SNX9: variants seen among roughly 807,000 people sequenced by gnomAD.
SNX9 encodes sorting nexin 9.
In SNX9, 44 loss-of-function variants were observed where a neutral mutation model predicts 89.4. That is an observed-to-expected ratio of 0.49 (90% CI 0.39 to 0.63). The LOEUF is 0.63. Among genes scored for constraint, SNX9 ranks in the 30% least tolerant of loss-of-function variants. The pLI is 0.00. For missense variants in SNX9, 578 were observed against 736.1 expected, an observed-to-expected ratio of 0.79 and a Z score of 2.49; for synonymous variants, 236 against 247.8, an observed-to-expected ratio of 0.95 and a Z score of 0.45.
intron 5 of SNX9, among the ~76,000 whole-genome samples, chr6:157,901,372 G>T (rs1032349982): frequency 6.6e-6 from 1 of 152,080 alleles, no homozygotes; most frequent in Admixed American, 6.6e-5. Flanking sequence ...TTTTGACTTT[G>T]TTCCCTGTGC....
chr6:157,942,107 T>G (rs1784047664), intron 17 of SNX9, among the ~76,000 whole-genome samples: 1 of 152,268 alleles, frequency 6.6e-6, no homozygotes, highest in Non-Finnish European at 1.5e-5. Context: ...ATTTCATCAC[T>G]GTCTTTGCAT....
intron 9 of SNX9, among the ~76,000 whole-genome samples, chr6:157,919,906 C>T (rs1352188163): frequency 2.0e-5 from 3 of 151,992 alleles, no homozygotes; most frequent in Non-Finnish European, 4.4e-5. Context: ...AGTAACTTGC[C>T]TAAGATTAAA....
At chr6:157,837,380 A>G (rs772180410) in intron 1 of SNX9, among the ~76,000 whole-genome samples, 70 of 152,344 alleles carry the variant, frequency 4.6e-4, no homozygotes, top group Non-Finnish European at 5.4e-4. Context: ...ATTTATTTGC[A>G]TTGTATAATA....
intron 4 of SNX9, among the ~76,000 whole-genome samples, chr6:157,881,171 T>C (rs928216406): frequency 6.6e-6 from 1 of 152,208 alleles, no homozygotes; most frequent in Non-Finnish European, 1.5e-5. Context: ...GGTGTCTCTG[T>C]TTCACGTTTT....
chr6:157,896,012 C>T (rs1782970020), intron 4 of SNX9, among the ~76,000 whole-genome samples: 1 of 152,182 alleles, frequency 6.6e-6, no homozygotes, highest in South Asian at 2.1e-4. Context: ...TAACCATCAA[C>T]TTTTTTTCTG....
chr6:157,887,283 G>A (rs939255592), intron 4 of SNX9, among the ~76,000 whole-genome samples: 4 of 152,100 alleles, frequency 2.6e-5, no homozygotes, highest in South Asian at 2.1e-4. Flanking sequence ...CCGATGCCCC[G>A]TGAATCATGA....
At chr6:157,834,162 T>TTG (rs1562588765) in intron 1 of SNX9, among the ~76,000 whole-genome samples, 20 of 101,764 alleles carry the variant, frequency 2.0e-4, no homozygotes, top group African/African-American at 8.8e-4. Context: ...TTTTTTTTTT[T>TTG]TTTTTTTTTT....
At chr6:157,909,399 T>C (rs914329186) in intron 7 of SNX9, among the ~76,000 whole-genome samples, 1 of 152,220 alleles carries the variant, frequency 6.6e-6, no homozygotes, top group Non-Finnish European at 1.5e-5. Context: ...ACCAGCACTG[T>C]CCTTGGGAGA....
At chr6:157,850,077 G>C (rs888904949) in intron 1 of SNX9, among the ~76,000 whole-genome samples, 1 of 152,182 alleles carries the variant, frequency 6.6e-6, no homozygotes, top group African/African-American at 2.4e-5. Context: ...GGAAAGGAAG[G>C]AAGAAAACCA....
intron 4 of SNX9, among the ~76,000 whole-genome samples, chr6:157,879,936 A>T (rs189360193): frequency 5.9e-5 from 9 of 152,338 alleles, no homozygotes; most frequent in Admixed American, 3.3e-4. Context: ...GTAAACCTAG[A>T]TGTCTTATCT....
intron 10 of SNX9, among the ~76,000 whole-genome samples, chr6:157,922,261 A>G (rs1359220502): frequency 2.0e-5 from 3 of 152,194 alleles, no homozygotes; most frequent in African/African-American, 7.2e-5. Flanking sequence ...CTTTGGAAAT[A>G]GTTTTCTCTC....
intron 9 of SNX9, among the ~76,000 whole-genome samples, chr6:157,917,742 A>G (rs1429174824): frequency 6.6e-6 from 1 of 152,186 alleles, no homozygotes; most frequent in African/African-American, 2.4e-5. Context: ...TGTAAATGCT[A>G]TGTAAATCAT....
rs1783975629 is a variant in SNX9, at chr6:157,938,726, A to G, written c.1627A>G (p.Ile543Val). 6.2e-7 allele frequency: 1 copy of G among 1,614,052 alleles called. No homozygotes were observed. Among genetic ancestry groups the G allele is most frequent in the Non-Finnish European group, 8.5e-7 (1 of 1,179,920 alleles). Residue 543 changes from isoleucine to valine, a missense_variant, in exon 16 of 18, where the codon ATC becomes GTC. Ile to Val is a conservative substitution (Grantham distance 29). Transcript: ENST00000392185. ...DKQNMVKRVSIMSYALQAEMN... is the reference protein window; with the variant it reads ...DKQNMVKRVSVMSYALQAEMN... Reference sequence around the variant, plus strand: ...ACAGAACATGGTGAAGAGAGTCAGCATCATGTCTTACGCGTTGCAAGGTAA... The same window carrying G: ...ACAGAACATGGTGAAGAGAGTCAGCGTCATGTCTTACGCGTTGCAAGGTAA...
At chr6:157,902,912 C>G (rs1418532930) in intron 6 of SNX9, among the ~76,000 whole-genome samples, 1 of 152,062 alleles carries the variant, frequency 6.6e-6, no homozygotes, top group Non-Finnish European at 1.5e-5. Context: ...AAGTGATCCG[C>G]CCGCCTCTAC....
At chr6:157,899,372 A>G (rs186927786) in intron 5 of SNX9, among the ~76,000 whole-genome samples, 2 of 152,194 alleles carry the variant, frequency 1.3e-5, no homozygotes, top group African/African-American at 4.8e-5. Flanking sequence ...CTTATTTGTA[A>G]ATGTATAAGA....
In SNX9 at chr6:157,867,595, A is replaced by T. The variant is rs776548092; in HGVS notation, c.61A>T (p.Thr21Ser). The change falls in exon 2 of 18, where the codon ACG becomes TCG. Residue 21 changes from threonine (T) to serine (S), a missense_variant. By Grantham distance (58) the Thr-to-Ser change is moderately conservative. Transcript: ENST00000392185. Reference protein sequence around the residue: ...FAAEPGNNELTVNEGEIITIT... With the variant: ...FAAEPGNNELSVNEGEIITIT... ...TGCTGAACCTGGAAATAATGAACTG[A>T]CGGTTAATGAAGGAGAAATCATCAC... is the stretch of plus-strand genomic sequence containing the variant. The T allele has an allele frequency of 3.8e-5, 62 of 1,612,588 alleles. No homozygotes were observed. Among genetic ancestry groups the T allele is most frequent in the Non-Finnish European group, 4.9e-5 (58 of 1,179,040 alleles).
At chr6:157,921,776 A>G in intron 10 of SNX9, 115 bp downstream of exon 10, 1 of 1,186,342 alleles carries the variant, frequency 8.4e-7, no homozygotes. Flanking sequence ...CACTTCCTCC[A>G]GTGACAGTGA....
chr6:157,854,682 G>A (rs1346266453), intron 1 of SNX9, among the ~76,000 whole-genome samples: 1 of 152,154 alleles, frequency 6.6e-6, no homozygotes, highest in Non-Finnish European at 1.5e-5. Context: ...GTGTAGGTAT[G>A]TATTTATATA....
intron 1 of SNX9, among the ~76,000 whole-genome samples, chr6:157,837,812 T>G (rs1781615209): frequency 1.3e-5 from 2 of 152,232 alleles, no homozygotes; most frequent in South Asian, 4.1e-4. Flanking sequence ...CAGCAGATCG[T>G]GAAGCCGTCG....
Sources: allele counts gnomAD v4.1 joint callset (sites outside exome capture counted in the v4.1 genomes callset), GRCh38; gene constraint gnomAD v4.1.1; transcripts MANE v1.5; gene names NCBI Gene and HGNC (gene_info 2026-07-23, HGNC 2026-07-21).